SMOC2: variants seen among roughly 807,000 people sequenced by gnomAD.
SMOC2 encodes SPARC-related modular calcium-binding protein 2.
Under a neutral mutation model 61.4 loss-of-function variants are expected in SMOC2, and 39 were observed. That is an observed-to-expected ratio of 0.64 (90% confidence interval 0.49 to 0.83). SMOC2 has a LOEUF of 0.83. Ranked by LOEUF, SMOC2 falls within the 40% of genes least tolerant of loss-of-function variation. The probability of loss-of-function intolerance (pLI) is 0.00; values close to 1 mark genes in which losing one functional copy is unlikely to be tolerated. For synonymous variants in SMOC2, 247 were observed against 239.9 expected (o/e 1.03, Z -0.27); for missense variants, 556 against 592.9 (o/e 0.94, Z 0.65).
At chr6:168,568,470 A>G (rs1002424931) in intron 7 of SMOC2, among the ~76,000 whole-genome samples, 3 of 152,230 alleles carry the variant, frequency 2.0e-5, no homozygotes, top group Non-Finnish European at 2.9e-5. Flanking sequence ...ATACATTATT[A>G]TTAACCAGCT....
intron 7 of SMOC2, among the ~76,000 whole-genome samples, chr6:168,568,565 T>TTGAC: frequency 6.6e-6 from 1 of 152,304 alleles, no homozygotes; most frequent in African/African-American, 2.4e-5. Flanking sequence ...CCCCCCATCA[T>TTGAC]AGTGTCATAC....
At chr6:168,464,616 C>T (rs764909961) in intron 1 of SMOC2, among the ~76,000 whole-genome samples, 4 of 151,694 alleles carry the variant, frequency 2.6e-5, no homozygotes, top group Admixed American at 6.6e-5. Context: ...AACCAAAATG[C>T]CAGAATCAAC....
chr6:168,635,397 A>C (rs1023592727), intron 9 of SMOC2, among the ~76,000 whole-genome samples: 7 of 152,218 alleles, frequency 4.6e-5, no homozygotes, highest in African/African-American at 1.7e-4. Flanking sequence ...CTGTGGGGGC[A>C]GCTCTTTCAG....
intron 8 of SMOC2, among the ~76,000 whole-genome samples, chr6:168,606,500 C>T (rs9456238): frequency 2.0e-5 from 3 of 151,986 alleles, no homozygotes; most frequent in Non-Finnish European, 2.9e-5. Flanking sequence ...GGGGTCCTCT[C>T]ACTGGGACTG....
chr6:168,562,782 C>A (rs1442101804), intron 7 of SMOC2, among the ~76,000 whole-genome samples: 1 of 152,164 alleles, frequency 6.6e-6, no homozygotes, highest in Non-Finnish European at 1.5e-5. Context: ...ATGGTCCTGC[C>A]CCGGGAGAGC....
intron 9 of SMOC2, among the ~76,000 whole-genome samples, chr6:168,649,388 C>CT (rs1349857426): frequency 6.6e-6 from 1 of 152,114 alleles, no homozygotes; most frequent in Non-Finnish European, 1.5e-5. Flanking sequence ...GTGGGTGTCC[C>CT]TAGCCCCAGC....
chr6:168,577,705 A>G (rs1355964249), intron 7 of SMOC2, among the ~76,000 whole-genome samples: 2 of 152,128 alleles, frequency 1.3e-5, no homozygotes, highest in East Asian at 3.9e-4. Context: ...AGGGTCACGC[A>G]CTTTCGAATC....
intron 7 of SMOC2, among the ~76,000 whole-genome samples, chr6:168,566,284 T>C (rs1007514079): frequency 6.6e-6 from 1 of 152,190 alleles, no homozygotes; most frequent in East Asian, 1.9e-4. Context: ...ATACAGTACA[T>C]GATTCTAGGA....
At chr6:168,464,398 C>T (rs1440188414) in intron 1 of SMOC2, among the ~76,000 whole-genome samples, 1 of 152,080 alleles carries the variant, frequency 6.6e-6, no homozygotes, top group Admixed American at 6.5e-5. Context: ...GACAGTGACG[C>T]TGTGCCATCA....
intron 7 of SMOC2, among the ~76,000 whole-genome samples, chr6:168,582,651 G>A (rs777178360): frequency 2.0e-5 from 3 of 152,152 alleles, no homozygotes; most frequent in African/African-American, 4.8e-5. Flanking sequence ...TTCTTTGGAC[G>A]GTCCACCTGG....
chr6:168,531,666 C>T (rs13204405), intron 4 of SMOC2, among the ~76,000 whole-genome samples: 48,281 of 152,172 alleles, frequency 0.32, 8,342 homozygotes, highest in Non-Finnish European at 0.38. Context: ...CGCAGAAGTG[C>T]CAGCCATGGC....
At chr6:168,619,280 G>A (rs1163147382) in intron 9 of SMOC2, among the ~76,000 whole-genome samples, 2 of 152,156 alleles carry the variant, frequency 1.3e-5, no homozygotes, top group Non-Finnish European at 2.9e-5. Context: ...GCGTTACTTT[G>A]AAAGTTATGA....
intron 1 of SMOC2, among the ~76,000 whole-genome samples, chr6:168,478,900 A>G (rs1015947488): frequency 6.6e-6 from 1 of 151,548 alleles, no homozygotes; most frequent in Admixed American, 6.6e-5. Flanking sequence ...GATTCATGGT[A>G]TCTGGTCTAG....
chr6:168,493,277 T>A (rs1782512114), intron 1 of SMOC2, among the ~76,000 whole-genome samples: 1 of 152,148 alleles, frequency 6.6e-6, no homozygotes, highest in South Asian at 2.1e-4. Context: ...TCTCAGGAGA[T>A]CCACCTGCCT....
chr6:168,508,687 C>T (rs1414495954), intron 1 of SMOC2, among the ~76,000 whole-genome samples: 4 of 152,188 alleles, frequency 2.6e-5, no homozygotes, highest in African/African-American at 7.2e-5. Context: ...TGAACCTCAA[C>T]CCTATTTTCC....
intron 1 of SMOC2, among the ~76,000 whole-genome samples, chr6:168,488,119 T>C (rs980530338): frequency 3.3e-5 from 5 of 152,214 alleles, no homozygotes; most frequent in Non-Finnish European, 5.9e-5. Context: ...CAGAAACTTA[T>C]GCTTTCCCAG....
intron 11 of SMOC2, among the ~76,000 whole-genome samples, chr6:168,659,542 TTGGCTGGGTGAGGATGG>T (rs1787425209): frequency 6.7e-6 from 1 of 148,814 alleles, no homozygotes; most frequent in Non-Finnish European, 1.5e-5. Flanking sequence ...ATGGAGGTTG[TTGGCTGGGTGAGGATGG>T]AGGTTGTAGG....
chr6:168,558,600 C>G (rs76936410), intron 7 of SMOC2, among the ~76,000 whole-genome samples: 2 of 152,176 alleles, frequency 1.3e-5, no homozygotes, highest in African/African-American at 2.4e-5. Context: ...ACCCACCTCC[C>G]GGAAAAGCCC....
chr6:168,470,092 C>G (rs146245532), intron 1 of SMOC2, among the ~76,000 whole-genome samples: 1 of 152,184 alleles, frequency 6.6e-6, no homozygotes, highest in African/African-American at 2.4e-5. Context: ...GATAAAAGTG[C>G]GATTTGGATC....
Sources: allele counts gnomAD v4.1 joint callset (sites outside exome capture counted in the v4.1 genomes callset), GRCh38; gene constraint gnomAD v4.1.1; transcripts MANE v1.5; gene names NCBI Gene and HGNC (gene_info 2026-07-23, HGNC 2026-07-21).